The following MIPOL1 variants were observed in gnomAD, a reference collection of about 807,000 sequenced individuals.
MIPOL1 encodes the protein mirror-image polydactyly gene 1 protein.
MIPOL1 carries 57 observed loss-of-function variants against 60.9 expected under a neutral mutation model. The ratio of observed to expected loss-of-function variants is 0.94; its 90% CI spans 0.76 to 1.17. The LOEUF (loss-of-function observed/expected upper bound fraction) is 1.17. Ranked by LOEUF, MIPOL1 falls within the 50% of genes most tolerant of loss-of-function variation. The probability of loss-of-function intolerance (pLI) is 0.00; values close to 1 mark genes in which losing one functional copy is unlikely to be tolerated. For missense variants in MIPOL1, 551 were observed against 511.6 expected, an observed-to-expected ratio of 1.08 and a Z score of -0.74; for synonymous variants, 179 against 168.8, an observed-to-expected ratio of 1.06 and a Z score of -0.47.
At chr14:37,317,769 G>T (rs571798862) in intron 9 of MIPOL1, among the ~76,000 whole-genome samples, 1 of 152,242 alleles carries the variant, frequency 6.6e-6, no homozygotes, top group South Asian at 2.1e-4. Flanking sequence ...AATTATTAAG[G>T]TTAGTGATTT....
At chr14:37,235,861 T>C (rs1410056594) in intron 1 of MIPOL1, among the ~76,000 whole-genome samples, 2 of 152,154 alleles carry the variant, frequency 1.3e-5, no homozygotes, top group Non-Finnish European at 2.9e-5. Flanking sequence ...TGTATCATTT[T>C]ACGTTCCTAC....
rs11844449 is a variant in MIPOL1, at chr14:37,434,863, A to C, written c.1031+11914A>C. Among the ~76,000 whole-genome samples, 958 of 152,008 alleles carry C rather than the reference A, an allele frequency of 6.3e-3. 9 individuals carry two copies. The highest frequency in any genetic ancestry group is 0.022 in the African/African-American group (916 of 41,384). On this transcript the variant is annotated intron_variant, in intron 11 of 12. Coordinates refer to ENST00000684589, the MANE Select transcript of MIPOL1 (RefSeq NM_001388067.1). The stretch of plus-strand genomic sequence containing the variant: ...TGTTAATCACAGCAAAAAAAAAAAA[A>C]AAACAAAATACCTTCACAGCAACAT...
intron 11 of MIPOL1, among the ~76,000 whole-genome samples, chr14:37,497,187 A>G (rs946407249): frequency 2.0e-5 from 3 of 152,198 alleles, no homozygotes; most frequent in Non-Finnish European, 4.4e-5. Flanking sequence ...AAACCATAAA[A>G]ACCCTAGAAG....
At chr14:37,495,766 A>C (rs1311350980) in intron 11 of MIPOL1, among the ~76,000 whole-genome samples, 2 of 150,988 alleles carry the variant, frequency 1.3e-5, no homozygotes, top group Admixed American at 6.6e-5. Context: ...AAGTGTTCCT[A>C]TTTCTCCACA....
intron 11 of MIPOL1, among the ~76,000 whole-genome samples, chr14:37,455,154 G>C (rs566074659): frequency 6.6e-6 from 1 of 152,166 alleles, no homozygotes; most frequent in Non-Finnish European, 1.5e-5. Flanking sequence ...AAAATGGAAG[G>C]CAGCAATGTC....
At chr14:37,201,995 G>A (rs548369619) in intron 1 of MIPOL1, among the ~76,000 whole-genome samples, 10 of 152,212 alleles carry the variant, frequency 6.6e-5, no homozygotes, top group African/African-American at 2.2e-4. Context: ...ATCACACCTA[G>A]CTATTTTGTT....
chr14:37,322,595 A>T (rs938937781), intron 9 of MIPOL1, among the ~76,000 whole-genome samples: 1 of 151,638 alleles, frequency 6.6e-6, no homozygotes, highest in Non-Finnish European at 1.5e-5. Context: ...AAAAATATTT[A>T]CTCATTTATT....
Position 37,547,150 on chromosome 14 carries a change from CTTGAG to C in MIPOL1, c.*182_*186del, listed in dbSNP as rs747979688. On this transcript the variant is annotated 3_prime_UTR_variant, in exon 13 of 13. Coordinates refer to ENST00000684589, the MANE Select transcript of MIPOL1 (RefSeq NM_001388067.1). ...AAATGTTTAACCACTTTGCTGCTGA[CTTGAG>C]TTATTTATCCAAATATATTAACTAT... The C allele has an allele frequency of 1.9e-4, 108 of 566,154 alleles. No homozygotes were observed. The Middle Eastern group carries it at 2.5e-3, about 13-fold the overall frequency. 35.1% of individuals were successfully genotyped at this position (566,154 alleles called of 1,614,324 possible).
intron 10 of MIPOL1, among the ~76,000 whole-genome samples, chr14:37,416,233 A>G (rs1291888781): frequency 6.6e-6 from 1 of 152,248 alleles, no homozygotes; most frequent in Non-Finnish European, 1.5e-5. Context: ...CAAGTCTTTA[A>G]AATGTATTCT....
At chr14:37,430,651 C>T (rs2094046864) in intron 11 of MIPOL1, among the ~76,000 whole-genome samples, 1 of 152,014 alleles carries the variant, frequency 6.6e-6, no homozygotes, top group African/African-American at 2.4e-5. Flanking sequence ...CTGTAAACAG[C>T]AATAGTATCT....
chr14:37,458,036 C>T (rs1043575483), intron 11 of MIPOL1, among the ~76,000 whole-genome samples: 2 of 151,518 alleles, frequency 1.3e-5, no homozygotes, highest in African/African-American at 4.9e-5. Flanking sequence ...AGTAGCTATA[C>T]TTATATCAGA....
rs537914799 is a variant in MIPOL1, at chr14:37,343,969, A to G, written c.829-25548A>G. Among the ~76,000 whole-genome samples, 18 of 152,240 alleles carry G rather than the reference A, an allele frequency of 1.2e-4. 1 individual carries two copies. In the South Asian group the frequency reaches 3.5e-3, roughly 30 times the overall value. ...TGCTGCAATGTTCCATCTTTTTAAA[A>G]TATATGTCTCCCATTCATTTACTCC... On this transcript the variant is annotated intron_variant, in intron 9 of 12. Transcript: ENST00000684589.
rs1392267948 is a variant in MIPOL1 at position 37,546,888 on chromosome 14, T to G, written c.1263-17T>G. ...CCTTTTTTTCCCCTTCTCACCCCCATCCCAACCCCAACTTAGGTTGGAAAG... is the reference window on the plus strand; with the variant it reads ...CCTTTTTTTCCCCTTCTCACCCCCAGCCCAACCCCAACTTAGGTTGGAAAG... On this transcript the variant is annotated splice_polypyrimidine_tract_variant and intron_variant, in intron 12 of 12. Transcript: ENST00000684589. 9 of 1,601,712 alleles carry G rather than the reference T, an allele frequency of 5.6e-6. No homozygotes were observed. The highest frequency in any genetic ancestry group is 7.7e-6 in the Non-Finnish European group (9 of 1,172,834).
At chr14:37,465,870 T>C (rs1237916526) in intron 11 of MIPOL1, among the ~76,000 whole-genome samples, 1 of 152,168 alleles carries the variant, frequency 6.6e-6, no homozygotes, top group African/African-American at 2.4e-5. Flanking sequence ...GAAATTAGAC[T>C]CATTTCTAGA....
chr14:37,320,247 A>T (rs919023136), intron 9 of MIPOL1, among the ~76,000 whole-genome samples: 5 of 152,196 alleles, frequency 3.3e-5, no homozygotes, highest in South Asian at 4.1e-4. Context: ...TGTTTTTCCA[A>T]AGTTGTGCCA....
At chr14:37,533,064 TAATTA>T (rs2095489064) in intron 12 of MIPOL1, among the ~76,000 whole-genome samples, 1 of 152,176 alleles carries the variant, frequency 6.6e-6, no homozygotes, top group Non-Finnish European at 1.5e-5. Flanking sequence ...GATATTATAC[TAATTA>T]AATAAAGTAT....
At position 37,259,566 on chromosome 14, in the gene MIPOL1, T is replaced by TA. The variant is rs200015358; in HGVS notation, c.20-7363dup. 2.0e-3 allele frequency among the ~76,000 whole-genome samples: 304 copies of TA among 149,882 alleles called. 1 individual carries two copies. The highest frequency in any genetic ancestry group is 6.6e-3 in the African/African-American group (271 of 40,836). ...TGAGTGACAGAGTGAGACCCTGTCT[T>TA]AAAAAAAAACAAAAAAAACATAAGA... On this transcript the variant is annotated intron_variant, in intron 3 of 12. Transcript: ENST00000684589.
At chr14:37,400,499 A>G (rs2153529275) in intron 10 of MIPOL1, 1 of 152,292 alleles carries the variant, frequency 6.6e-6, no homozygotes, top group South Asian at 2.1e-4. Flanking sequence ...GCTTGTTGAT[A>G]AGGATAGTAC....
chr14:37,294,838 T>C (rs917643558), intron 7 of MIPOL1, among the ~76,000 whole-genome samples: 6 of 152,058 alleles, frequency 3.9e-5, no homozygotes, highest in African/African-American at 9.7e-5. Flanking sequence ...TTGGTGTACC[T>C]GAAAGTGACG....
Sources: gnomAD v4.1 joint callset for allele counts (sites outside exome capture counted in the v4.1 genomes callset) on GRCh38, gnomAD v4.1.1 for gene constraint, MANE v1.5 for transcripts, NCBI Gene and HGNC (gene_info 2026-07-23, HGNC 2026-07-21) for gene names.